The following SYNE1 variants were observed in gnomAD, a reference collection of about 807,000 sequenced individuals.
SYNE1 encodes spectrin repeat containing nuclear envelope protein 1, also known as nesprin-1.
A neutral mutation model predicts 1,111.0 loss-of-function variants in SYNE1; 616 were observed. That is an observed-to-expected ratio of 0.55 (90% CI 0.52 to 0.59). The LOEUF (loss-of-function observed/expected upper bound fraction) is 0.59, where lower values mean the gene tolerates loss of function less well. Among genes scored for constraint, SYNE1 ranks in the 20% least tolerant of loss-of-function variants. The pLI is 0.00. For missense variants in SYNE1, 10,006 were observed against 10,417.0 expected (o/e 0.96, Z 1.72); for synonymous variants, 3,855 against 3,825.8 (o/e 1.01, Z -0.28).
Position 152,236,099 on chromosome 6 carries a change from T to A in SYNE1, c.20396+8A>T. ...ATCTAAAAATATACAAAACAGTCAT[T>A]GTATTACCTGGTCCAGTGTTTCAAT... is the stretch of plus-strand genomic sequence containing the variant. On this transcript the variant is annotated splice_region_variant and intron_variant, in intron 110 of 145. Coordinates refer to ENST00000367255, the MANE Select transcript of SYNE1 (RefSeq NM_182961.4). The A allele has an allele frequency of 6.2e-7, 1 of 1,613,596 alleles. No individual in the cohort carries two copies. The highest frequency in any genetic ancestry group is 8.5e-7 in the Non-Finnish European group (1 of 1,179,494).
At position 152,350,875 on chromosome 6, in the gene SYNE1, T is replaced by C; in HGVS notation, c.11581-105A>G. 2.9e-6 allele frequency: 4 copies of C among 1,374,676 alleles called. No homozygotes were observed. In the Admixed American group the frequency reaches 5.2e-5, roughly 18 times the overall value. The allele number at this position is 1,374,676 out of a possible 1,614,324, so 85.2% of individuals were successfully genotyped here. A position where few individuals can be genotyped will look rare whatever the true frequency, so the allele number is the denominator to read the frequency against. On this transcript the variant is annotated intron_variant, in intron 70 of 145. Transcript: ENST00000367255. ...AGAGATGATCTACCTCAAAGAAAGA[T>C]TGTTCATATTTATGAAGCAATAGGT...
rs1314628800 is a variant in SYNE1 at position 152,511,086 on chromosome 6, A to G, written c.327T>C (p.Ile109=). The change falls in exon 7 of 146, where the codon ATT becomes ATC. Residue 109 remains isoleucine, a synonymous_variant. Transcript: ENST00000367255. Reference sequence around the variant, plus strand: ...GGCCATCAGCTATATCGGTGGAGTTAATGTTGACTAATTTAATCTGTTTAA... The same window carrying G: ...GGCCATCAGCTATATCGGTGGAGTTGATGTTGACTAATTTAATCTGTTTAA... ...LEGRKIKLVN[I]NSTDIADGRP... 1 of 1,613,916 alleles carries G rather than the reference A, an allele frequency of 6.2e-7. No homozygotes were observed. The highest frequency in any genetic ancestry group is 1.1e-5 in the South Asian group (1 of 91,074).
At chr6:152,347,714 T>C (rs1380641953) in intron 72 of SYNE1, among the ~76,000 whole-genome samples, 1 of 149,446 alleles carries the variant, frequency 6.7e-6, no homozygotes, top group Non-Finnish European at 1.5e-5. Context: ...AGAGTGTCAC[T>C]CTGCTGCCCA....
chr6:152,629,437 C>A (rs1262119134), intron 2 of SYNE1, among the ~76,000 whole-genome samples: 1 of 149,194 alleles, frequency 6.7e-6, no homozygotes, highest in Non-Finnish European at 1.5e-5. Flanking sequence ...AACTCCTGAC[C>A]TCAAGTGATC....
intron 11 of SYNE1, among the ~76,000 whole-genome samples, chr6:152,490,201 A>G (rs1202942673): frequency 2.6e-5 from 4 of 152,236 alleles, no homozygotes; most frequent in African/African-American, 9.6e-5. Context: ...AGATTAAAGT[A>G]TATGGGAGGA....
chr6:152,500,581 C>A (rs886181137), intron 10 of SYNE1, among the ~76,000 whole-genome samples: 1 of 152,110 alleles, frequency 6.6e-6, no homozygotes, highest in African/African-American at 2.4e-5. Flanking sequence ...TAACTATTGG[C>A]GTGATGTCTA....
Position 152,255,056 on chromosome 6 carries a change from C to T in SYNE1, c.19294G>A (p.Glu6432Lys). ...AACAAGTTTTTGTTCTTATCCATTT[C>T]TTCAGACATTTCCTTAATGTCTTTG... Reference protein sequence around the residue: ...LAKDIKEMSEEMDKNKNLFSQ... With the variant: ...LAKDIKEMSEKMDKNKNLFSQ... Residue 6432 changes from glutamate (E) to lysine (K), a missense_variant, in exon 104 of 146, where the codon GAA becomes AAA. Around this residue, in one of 7 missense-constraint regions of SYNE1, gnomAD observed 2,182 missense variants for 2,287.8 expected, o/e 0.95. Transcript: ENST00000367255. The T allele has an allele frequency of 6.2e-7, 1 of 1,607,520 alleles. No homozygotes were observed. Among genetic ancestry groups the T allele is most frequent in the Non-Finnish European group, 8.5e-7 (1 of 1,175,894 alleles).
chr6:152,331,948 T>C, intron 77 of SYNE1, 58 bp from the exon 78 acceptor site: 1 of 1,598,258 alleles, frequency 6.3e-7, no homozygotes, highest in Non-Finnish European at 8.5e-7. Context: ...TCGATGTTTG[T>C]TCATACTATG....
intron 12 of SYNE1, among the ~76,000 whole-genome samples, chr6:152,486,911 G>T (rs182198515): frequency 6.6e-6 from 1 of 152,262 alleles, no homozygotes; most frequent in Admixed American, 6.5e-5. Context: ...ACTGAAATAT[G>T]ATGTCGAGTA....
rs2096254107 is a variant in SYNE1, at chr6:152,331,865, G to A, written c.12820C>T (p.His4274Tyr). 3.7e-6 allele frequency: 6 copies of A among 1,612,782 alleles called. No homozygotes were observed. Among genetic ancestry groups the A allele is most frequent in the Non-Finnish European group, 4.2e-6 (5 of 1,180,022 alleles). The stretch of plus-strand genomic sequence containing the variant: ...GCTAACTTTTTCAAAGCTTCCAGGT[G>A]GACAGCTGTACTCTCTGCATCAGAT... ...ARSDAESTAV[H>Y]LEALKKLALA... Residue 4274 changes from histidine (H) to tyrosine (Y), a missense_variant, in exon 78 of 146, where the codon CAC becomes TAC. Physicochemically the swap from His to Tyr is moderately conservative, Grantham distance 83. This residue lies in a region of SYNE1 where 4,955 missense variants were observed against 5,017.2 expected (regional missense o/e 0.99). Transcript: ENST00000367255.
Position 152,447,575 on chromosome 6 carries a change from C to A in SYNE1, c.3552G>T (p.Leu1184=). 6.2e-7 allele frequency: 1 copy of A among 1,614,222 alleles called. No individual in the cohort carries two copies. The highest frequency in any genetic ancestry group is 8.5e-7 in the Non-Finnish European group (1 of 1,180,030). The change falls in exon 29 of 146, where the codon CTG becomes CTT. Residue 1184 remains leucine, a synonymous_variant. Transcript: ENST00000367255. ...VTKRGETLSW[L]KSRLKVLTEV... ...CTGTCAAAACTTTCAGCCTGGATTT[C>A]AGCCAGCTGAGGGTCTCACCCCTTT...
chr6:152,284,809 G>T (rs992131032), intron 95 of SYNE1, among the ~76,000 whole-genome samples: 1 of 151,748 alleles, frequency 6.6e-6, no homozygotes, highest in Non-Finnish European at 1.5e-5. Context: ...TCCTCAACAT[G>T]ATTTTCCCAC....
chr6:152,485,446 T>C (rs1417956795), intron 12 of SYNE1, among the ~76,000 whole-genome samples: 1 of 152,186 alleles, frequency 6.6e-6, no homozygotes, highest in Admixed American at 6.5e-5. Context: ...TAATGCAGAA[T>C]TAAAGCTGTC....
intron 59 of SYNE1, 70 bp from the exon 60 acceptor site, chr6:152,369,684 C>T: frequency 6.4e-7 from 1 of 1,572,154 alleles, no homozygotes; most frequent in South Asian, 1.1e-5. Flanking sequence ...CTTCACTTGG[C>T]ATTCAAAGTC....
At chr6:152,166,675 G>A (rs2063724281) in intron 130 of SYNE1, among the ~76,000 whole-genome samples, 1 of 152,188 alleles carries the variant, frequency 6.6e-6, no homozygotes, top group Admixed American at 6.5e-5. Context: ...TAGTCCATTA[G>A]GGACAAGTTC....
chr6:152,461,446 C>T, intron 21 of SYNE1, 151 bp downstream of exon 21: 4 of 924,610 alleles, frequency 4.3e-6, no homozygotes, highest in Admixed American at 4.6e-5. Flanking sequence ...TTTTTTAATT[C>T]ATGACAAAGT....
chr6:152,519,301 A>G (rs2099127634), intron 6 of SYNE1, among the ~76,000 whole-genome samples: 1 of 152,176 alleles, frequency 6.6e-6, no homozygotes, highest in Non-Finnish European at 1.5e-5. Flanking sequence ...GCCTCTTTAG[A>G]GAAGTGGTTG....
intron 98 of SYNE1, among the ~76,000 whole-genome samples, chr6:152,274,320 G>A (rs554499864): frequency 1.3e-5 from 2 of 152,042 alleles, no homozygotes; most frequent in Non-Finnish European, 2.9e-5. Context: ...CTTTTCATAT[G>A]TTCATTGTCC....
In SYNE1 at chr6:152,281,874, G is replaced by T. The variant is rs1231106230; in HGVS notation, c.18314C>A (p.Thr6105Asn). The T allele has an allele frequency of 4.3e-6, 7 of 1,614,068 alleles. No individual in the cohort carries two copies. The highest frequency in any genetic ancestry group is 5.9e-6 in the Non-Finnish European group (7 of 1,180,046). The change falls in exon 97 of 146, where the codon ACT becomes AAT. Residue 6105 changes from threonine to asparagine, a missense_variant. By Grantham distance (65) the Thr-to-Asn change is moderately conservative. Around this residue, in one of 7 missense-constraint regions of SYNE1, gnomAD observed 99 missense variants for 147.8 expected, o/e 0.67. Transcript: ENST00000367255. ...LDSWLLSTKA[T>N]LDTALSPPKE... ...GGGTGGACTCAGCGCAGTGTCCAGA[G>T]TGGCCTTGGTACTCAAGAGCCAGCT...
Sources: allele counts gnomAD v4.1 joint callset (sites outside exome capture counted in the v4.1 genomes callset), GRCh38; gene constraint gnomAD v4.1.1; regional missense constraint gnomAD v4.1.1; transcripts MANE v1.5; gene names NCBI Gene and HGNC (gene_info 2026-07-23, HGNC 2026-07-21).